DLC1: variants seen among roughly 807,000 people sequenced by gnomAD.
The protein encoded by DLC1 is DLC1 Rho GTPase activating protein, also known as rho GTPase-activating protein 7.
In DLC1, 54 loss-of-function variants were observed where a neutral mutation model predicts 140.3. The ratio of observed to expected loss-of-function variants is 0.38; its 90% confidence interval spans 0.31 to 0.48. The LOEUF is 0.48. Among genes scored for constraint, DLC1 ranks in the 20% least tolerant of loss-of-function variants. The pLI, the probability that DLC1 is intolerant of heterozygous loss-of-function variation, is 0.96. For missense variants in DLC1, 2,536 were observed against 1,907.0 expected, an observed-to-expected ratio of 1.33 and a Z score of -6.14; for synonymous variants, 986 against 728.1, an observed-to-expected ratio of 1.35 and a Z score of -5.70.
At position 13,099,709 on chromosome 8, in the gene DLC1, C is replaced by T. The variant is rs1017705555; in HGVS notation, c.2628G>A (p.Leu876=). The T allele has an allele frequency of 1.2e-6, 2 of 1,614,164 alleles. No individual in the cohort carries two copies. The highest frequency in any genetic ancestry group is 3.3e-5 in the Admixed American group (2 of 60,018). The change falls in exon 9 of 18, where the codon CTG becomes CTA. Residue 876 remains leucine (L), a synonymous_variant. Transcript: ENST00000276297. ...AGCCCGGCACGTTGTCGTAGATGCTCAGGCGGCTGCTCATGGAGCTGGAAG... is the reference window on the plus strand; with the variant it reads ...AGCCCGGCACGTTGTCGTAGATGCTTAGGCGGCTGCTCATGGAGCTGGAAG... ...RNSSSSMSSR[L]SIYDNVPGSI...
chr8:13,398,180 C>G (rs1586275446), intron 3 of DLC1, among the ~76,000 whole-genome samples: 1 of 151,772 alleles, frequency 6.6e-6, no homozygotes, highest in Admixed American at 6.6e-5. Context: ...AATTATAAAT[C>G]AAGAAAGAAA....
chr8:13,523,310 G>A (rs1802815551), intron 1 of DLC1, among the ~76,000 whole-genome samples: 1 of 152,052 alleles, frequency 6.6e-6, no homozygotes, highest in African/African-American at 2.4e-5. Context: ...TGCTATATAA[G>A]AAGAAAAGAA....
intron 5 of DLC1, among the ~76,000 whole-genome samples, chr8:13,231,637 G>T (rs929565473): frequency 2.6e-5 from 4 of 152,274 alleles, no homozygotes; most frequent in East Asian, 3.9e-4. Context: ...AAGATTGTTA[G>T]AGCAGGGAAG....
chr8:13,261,753 G>A (rs139460827), intron 5 of DLC1, among the ~76,000 whole-genome samples: 97 of 152,290 alleles, frequency 6.4e-4, no homozygotes, highest in African/African-American at 1.6e-3. Context: ...ACTAACTGCT[G>A]TGAATGGAGA....
chr8:13,579,393 A>G lies in DLC1; in HGVS notation c.-126+25144T>C, dbSNP rs79909817. Among the ~76,000 whole-genome samples the G allele has an allele frequency of 8.0e-4, 28 of 34,800 alleles. 4 individuals are homozygous for G. Among genetic ancestry groups the G allele is most frequent in the Non-Finnish European group, 1.6e-3 (24 of 14,814 alleles). The allele number at this position is 34,800 out of a possible 152,430, so 22.8% of individuals were successfully genotyped here. Reference sequence around the variant, plus strand: ...TATAATACATATTTATATATTATATATTATATATTTAATATATTATATTTT... The same window carrying G: ...TATAATACATATTTATATATTATATGTTATATATTTAATATATTATATTTT... On this transcript the variant is annotated intron_variant, in intron 1 of 1. Coordinates refer to the DLC1 transcript ENST00000631382.
chr8:13,224,029 G>T (rs1828676008), intron 5 of DLC1, among the ~76,000 whole-genome samples: 1 of 152,134 alleles, frequency 6.6e-6, no homozygotes, highest in Non-Finnish European at 1.5e-5. Flanking sequence ...ATCGCATTAT[G>T]TAATTTTTGG....
intron 1 of DLC1, among the ~76,000 whole-genome samples, chr8:13,510,650 G>T (rs966179120): frequency 3.3e-5 from 5 of 152,156 alleles, no homozygotes; most frequent in African/African-American, 1.2e-4. Flanking sequence ...ATCAGAGCCA[G>T]TTTTCTAACT....
At chr8:13,209,652 C>T (rs1313718268) in intron 5 of DLC1, among the ~76,000 whole-genome samples, 1 of 152,020 alleles carries the variant, frequency 6.6e-6, no homozygotes, top group African/African-American at 2.4e-5. Context: ...TGGTTTAGCA[C>T]CATCCTCTTG....
At chr8:13,507,128 C>T (rs558831411) in intron 1 of DLC1, among the ~76,000 whole-genome samples, 1 of 152,172 alleles carries the variant, frequency 6.6e-6, no homozygotes, top group South Asian at 2.1e-4. Flanking sequence ...TTGTGGAAGC[C>T]AAAATGAAAC....
intron 1 of DLC1, among the ~76,000 whole-genome samples, chr8:13,586,635 A>G (rs1805328590): frequency 6.9e-6 from 1 of 144,528 alleles, no homozygotes; most frequent in African/African-American, 2.5e-5. Flanking sequence ...ACCTGCATGT[A>G]AAATGAAACA....
intron 2 of DLC1, among the ~76,000 whole-genome samples, chr8:13,458,591 C>CT (rs1799520947): frequency 6.6e-6 from 1 of 152,132 alleles, no homozygotes; most frequent in South Asian, 2.1e-4. Flanking sequence ...TGTGCAATGT[C>CT]TAAAAACAGT....
At chr8:13,202,496 A>C (rs899870378) in intron 5 of DLC1, among the ~76,000 whole-genome samples, 2 of 152,040 alleles carry the variant, frequency 1.3e-5, no homozygotes, top group African/African-American at 4.8e-5. Flanking sequence ...GACTTAGTAA[A>C]ATTGCCGTCT....
chr8:13,467,334 T>C (rs1474823188), intron 2 of DLC1, among the ~76,000 whole-genome samples: 4 of 152,174 alleles, frequency 2.6e-5, no homozygotes, highest in African/African-American at 9.7e-5. Flanking sequence ...ATGTTCCCAT[T>C]TGGAATGCTA....
chr8:13,123,626 C>G (rs1821307150), intron 5 of DLC1, among the ~76,000 whole-genome samples: 1 of 151,910 alleles, frequency 6.6e-6, no homozygotes, highest in African/African-American at 2.4e-5. Context: ...TGTGGGATGA[C>G]TGGCGTGGGC....
chr8:13,401,690 C>A, intron 2 of DLC1, 71 bp from the exon 3 acceptor site: 1 of 1,543,660 alleles, frequency 6.5e-7, no homozygotes, highest in East Asian at 2.3e-5. Flanking sequence ...GTTCCCTGTT[C>A]TTCAATGTGA....
chr8:13,229,953 G>A (rs112073423), intron 5 of DLC1, among the ~76,000 whole-genome samples: 30 of 152,296 alleles, frequency 2.0e-4, no homozygotes, highest in African/African-American at 6.5e-4. Context: ...GATGTTGTCA[G>A]ACTACTAACT....
intron 5 of DLC1, among the ~76,000 whole-genome samples, chr8:13,222,805 G>T (rs1451249091): frequency 6.6e-6 from 1 of 152,132 alleles, no homozygotes; most frequent in Admixed American, 6.5e-5. Flanking sequence ...GTGCAGCGAT[G>T]CAATCATAGC....
chr8:13,269,561 A>G (rs912697176), intron 5 of DLC1, among the ~76,000 whole-genome samples: 2 of 151,902 alleles, frequency 1.3e-5, no homozygotes, highest in Non-Finnish European at 2.9e-5. Flanking sequence ...ACAAAAATCA[A>G]AAAATTAGCC....
chr8:13,216,870 C>G (rs1828227164), intron 5 of DLC1, among the ~76,000 whole-genome samples: 1 of 152,172 alleles, frequency 6.6e-6, no homozygotes, highest in South Asian at 2.1e-4. Flanking sequence ...CAAATTACCT[C>G]TGGTTTTGAA....
Sources: gnomAD v4.1 joint callset for allele counts (sites outside exome capture counted in the v4.1 genomes callset) on GRCh38, gnomAD v4.1.1 for gene constraint, MANE v1.5 for transcripts, NCBI Gene and HGNC (gene_info 2026-07-23, HGNC 2026-07-21) for gene names.